LRP1: variants seen among roughly 807,000 people sequenced by gnomAD.
LRP1 encodes the protein prolow-density lipoprotein receptor-related protein 1.
LRP1 carries 51 observed loss-of-function variants against 541.5 expected under a neutral mutation model. The observed-to-expected ratio is 0.09, with a 90% CI of 0.08 to 0.12. The LOEUF (loss-of-function observed/expected upper bound fraction) is 0.12. LRP1 is among the 10% of genes least tolerant of loss of function. LRP1 has a pLI of 1.00. For missense variants in LRP1, 3,878 were observed against 6,376.2 expected, an observed-to-expected ratio of 0.61 and a Z score of 13.34; for synonymous variants, 2,219 against 2,470.8, an observed-to-expected ratio of 0.90 and a Z score of 3.02.
chr12:57,135,665 G>A (rs1375599173), intron 1 of LRP1, among the ~76,000 whole-genome samples: 1 of 152,104 alleles, frequency 6.6e-6, no homozygotes, highest in African/African-American at 2.4e-5. Context: ...CCCCTCCCCC[G>A]GTGCTGCTGT....
At chr12:57,148,466 C>T (rs1423866643) in intron 6 of LRP1, among the ~76,000 whole-genome samples, 1 of 152,124 alleles carries the variant, frequency 6.6e-6, no homozygotes, top group East Asian at 1.9e-4. Context: ...TCTGACCAGT[C>T]TCTCAGCTCC....
chr12:57,199,198 C>T lies in LRP1; in HGVS notation c.9677-14C>T, dbSNP rs778976113. 6 of 1,610,902 alleles carry T rather than the reference C, an allele frequency of 3.7e-6. No homozygotes were observed. The African/African-American group carries it at 6.7e-5, about 18-fold the overall frequency. ...CCGGCTGACTGGCACTGTGCCTGCC[C>T]CTTGGCCCTGCAGTGCTGAGCCAGG... On this transcript the variant is annotated splice_polypyrimidine_tract_variant and intron_variant, in intron 60 of 88. Coordinates refer to ENST00000243077, the MANE Select transcript of LRP1 (RefSeq NM_002332.3).
chr12:57,171,424 C>G (rs960615223), intron 20 of LRP1, among the ~76,000 whole-genome samples: 1 of 152,148 alleles, frequency 6.6e-6, no homozygotes, highest in African/African-American at 2.4e-5. Context: ...AAACTGAGCA[C>G]TTCCGTAGGG....
chr12:57,183,350 C>T lies in LRP1; in HGVS notation c.5663-29C>T, dbSNP rs777724096. 1.3e-6 allele frequency: 2 copies of T among 1,588,648 alleles called. No homozygotes were observed. Among genetic ancestry groups the T allele is most frequent in the African/African-American group, 1.3e-5 (1 of 74,294 alleles). On this transcript the variant is annotated intron_variant, in intron 34 of 88. Coordinates refer to ENST00000243077, the MANE Select transcript of LRP1 (RefSeq NM_002332.3). The surrounding 1 kb of genome is among the most constrained non-coding windows in gnomAD (Gnocchi z 6.1). ...CAAGTTTAAGGGAGTGTTGGCGATA[C>T]CCATGCCTTAAGTTTCCTTGTCTTT...
At chr12:57,202,012 G>T in intron 67 of LRP1, 107 bp downstream of exon 67, 2 of 1,474,112 alleles carry the variant, frequency 1.4e-6, no homozygotes, top group Non-Finnish European at 1.9e-6. Context: ...GTCTCAGCGT[G>T]GCCCTGCTGC....
In LRP1 at chr12:57,195,925, C is replaced by G. The variant is rs1312393140; in HGVS notation, c.8623C>G (p.Gln2875Glu). The G allele has an allele frequency of 6.2e-7, 1 of 1,613,780 alleles. No individual in the cohort carries two copies. Among genetic ancestry groups the G allele is most frequent in the Non-Finnish European group, 8.5e-7 (1 of 1,180,028 alleles). Reference sequence around the variant, plus strand: ...CAATGGGCGCTGTCTGAGCTCCCGCCAGTGGGAGTGTGATGGCGAGAATGA... The same window carrying G: ...CAATGGGCGCTGTCTGAGCTCCCGCGAGTGGGAGTGTGATGGCGAGAATGA... Reference protein sequence around the residue: ...CANGRCLSSRQWECDGENDCH... With the variant: ...CANGRCLSSREWECDGENDCH... Residue 2875 changes from glutamine (Q) to glutamate (E), a missense_variant, in exon 54 of 89, where the codon CAG becomes GAG. This residue lies in a region of LRP1 where 1,100 missense variants were observed against 1,827.4 expected (regional missense o/e 0.60). Coordinates refer to ENST00000243077, the MANE Select transcript of LRP1 (RefSeq NM_002332.3).
intron 22 of LRP1, among the ~76,000 whole-genome samples, 154 bp from the exon 23 acceptor site, chr12:57,175,294 GCTGAAGCTCAGC>G (rs951620061): frequency 4.6e-5 from 7 of 152,326 alleles, no homozygotes; most frequent in South Asian, 2.1e-4. Flanking sequence ...GAAGTCCTGG[GCTGAAGCTCAGC>G]CTGAAGCTCA....
chr12:57,186,872 G>A (rs2036281343), intron 41 of LRP1, among the ~76,000 whole-genome samples: 1 of 152,222 alleles, frequency 6.6e-6, no homozygotes, highest in Non-Finnish European at 1.5e-5. Context: ...TAAGATGTCT[G>A]CTTTATAAAA....
rs2035672932 is a variant in LRP1 at position 57,158,762 on chromosome 12, G to C, written c.1798+124G>C. 2.3e-6 allele frequency: 2 copies of C among 863,246 alleles called. No individual in the cohort carries two copies. The highest frequency in any genetic ancestry group is 3.1e-5 in the South Asian group (2 of 64,690). The allele number at this position is 863,246 out of a possible 1,614,324, so 53.5% of individuals were successfully genotyped here. Reference sequence around the variant, plus strand: ...CTGGCTGGCTGCACTGGTTGGCATGGAGATGAGGGGATAGACAGATTGACC... The same window carrying C: ...CTGGCTGGCTGCACTGGTTGGCATGCAGATGAGGGGATAGACAGATTGACC... On this transcript the variant is annotated intron_variant, in intron 11 of 88. Transcript: ENST00000243077. This position sits in a 1 kb window ranked among gnomAD's most constrained non-coding sequence, Gnocchi z 5.3.
chr12:57,172,633 A>G (rs532247575), intron 20 of LRP1, among the ~76,000 whole-genome samples: 1 of 152,160 alleles, frequency 6.6e-6, no homozygotes, highest in African/African-American at 2.4e-5. Context: ...TTCCCTGACC[A>G]TCTTACCTGA....
chr12:57,137,193 A>G (rs2035188955), intron 1 of LRP1, among the ~76,000 whole-genome samples: 1 of 151,382 alleles, frequency 6.6e-6, no homozygotes, highest in South Asian at 2.1e-4. Context: ...GTGAGCCAAG[A>G]TCGTGCCATT....
intron 2 of LRP1, among the ~76,000 whole-genome samples, chr12:57,139,338 A>G (rs1360779544): frequency 6.6e-6 from 1 of 151,930 alleles, no homozygotes; most frequent in Non-Finnish European, 1.5e-5. Flanking sequence ...CCCACCCGTA[A>G]TTATCAGGGG....
At chr12:57,129,725 A>G (rs2034998581) in intron 1 of LRP1, among the ~76,000 whole-genome samples, 1 of 152,020 alleles carries the variant, frequency 6.6e-6, no homozygotes, top group South Asian at 2.1e-4. Flanking sequence ...TTCCTTCTTA[A>G]TTCCTGGGAG....
chr12:57,187,967 C>T (rs865940362), intron 42 of LRP1, among the ~76,000 whole-genome samples: 7 of 152,158 alleles, frequency 4.6e-5, no homozygotes, highest in Non-Finnish European at 1.5e-5. Context: ...CTGGAAAAGA[C>T]AAGGAAGGCC....
chr12:57,198,094 A>G, intron 58 of LRP1, 62 bp from the exon 59 acceptor site: 6 of 1,424,038 alleles, frequency 4.2e-6, no homozygotes, highest in Non-Finnish European at 5.8e-6. Context: ...TGAGCCTCAC[A>G]GAGGCTTGCA....
In LRP1 at chr12:57,173,162, C is replaced by T; in HGVS notation, c.3164-6C>T. ...CCTCCTGAGGCCCTCCACTGTCCCT[C>T]TGCAGCCACGAGGCCCCCTGGTGGC... is the stretch of plus-strand genomic sequence containing the variant. On this transcript the variant is annotated splice_region_variant and splice_polypyrimidine_tract_variant and intron_variant, in intron 20 of 88. Coordinates refer to ENST00000243077, the MANE Select transcript of LRP1 (RefSeq NM_002332.3). This position sits in a 1 kb window ranked among gnomAD's most constrained non-coding sequence, Gnocchi z 4.7. The T allele has an allele frequency of 1.2e-6, 2 of 1,600,026 alleles. No homozygotes were observed. Among genetic ancestry groups the T allele is most frequent in the Non-Finnish European group, 1.7e-6 (2 of 1,171,636 alleles).
chr12:57,187,983 G>A (rs890128582), intron 42 of LRP1, among the ~76,000 whole-genome samples: 56 of 152,332 alleles, frequency 3.7e-4, no homozygotes, highest in African/African-American at 1.1e-3. Context: ...AGGCCAGCTC[G>A]GACAGGGGAA....
chr12:57,141,272 G>A, intron 2 of LRP1, 102 bp from the exon 3 acceptor site: 3 of 1,408,392 alleles, frequency 2.1e-6, no homozygotes, highest in Non-Finnish European at 2.9e-6. Context: ...GGCCTCCTGA[G>A]ATCTGAAACC....
At chr12:57,200,676 C>G in intron 63 of LRP1, 23 bp from the exon 64 acceptor site, 1 of 1,603,712 alleles carries the variant, frequency 6.2e-7, no homozygotes, top group Non-Finnish European at 8.5e-7. Context: ...GCCGCTCTGA[C>G]TCTGAGCCTC....
Sources: allele counts gnomAD v4.1 joint callset (sites outside exome capture counted in the v4.1 genomes callset), GRCh38; gene constraint gnomAD v4.1.1; regional missense constraint gnomAD v4.1.1; non-coding constraint Gnocchi (gnomAD v3.1); transcripts MANE v1.5; gene names NCBI Gene and HGNC (gene_info 2026-07-23, HGNC 2026-07-21).